The following TBC1D5 variants were observed in gnomAD, a reference collection of about 807,000 sequenced individuals.
TBC1D5 encodes TBC1 domain family member 5, also known as TBC1 domain family, member 5.
In TBC1D5, 75 loss-of-function variants were observed where a neutral mutation model predicts 100.3. The observed-to-expected ratio is 0.75, with a 90% CI of 0.62 to 0.91. The LOEUF (loss-of-function observed/expected upper bound fraction) is 0.91. Among genes scored for constraint, TBC1D5 ranks in the 40% least tolerant of loss-of-function variants. The pLI, the probability that TBC1D5 is intolerant of heterozygous loss-of-function variation, is 0.00. For missense variants in TBC1D5, 910 were observed against 942.4 expected, an observed-to-expected ratio of 0.97 and a Z score of 0.45; for synonymous variants, 323 against 325.6, an observed-to-expected ratio of 0.99 and a Z score of 0.09.
At chr3:17,160,992 A>G (rs757152451) in exon 22 of TBC1D5, 57 of 1,614,048 alleles carry the variant, frequency 3.5e-5, no homozygotes, top group Non-Finnish European at 4.4e-5. Context: ...ACAATGGTGA[A>G]GCCAGAGTCC....
At chr3:17,372,039 A>AAAACAAACAAGCAAAC (rs1553711468) in intron 13 of TBC1D5, 36 bp downstream of exon 13, 3 of 1,504,818 alleles carry the variant, frequency 2.0e-6, no homozygotes, top group Non-Finnish European at 2.7e-6. Flanking sequence ...TCTGTCTCAA[A>AAAACAAACAAGCAAAC]AAACAAACAA....
intron 2 of TBC1D5, among the ~76,000 whole-genome samples, chr3:17,594,480 CATCAATACCAGCTACAGA>C (rs1440351271): frequency 6.6e-6 from 1 of 152,158 alleles, no homozygotes; most frequent in African/African-American, 2.4e-5. Flanking sequence ...AAAAGGTAGT[CATCAATACCAGCTACAGA>C]ATCAATACCA....
chr3:17,651,209 T>C (rs984789920), intron 1 of TBC1D5, among the ~76,000 whole-genome samples: 3 of 152,184 alleles, frequency 2.0e-5, no homozygotes, highest in South Asian at 2.1e-4. Context: ...AACGTTTTCA[T>C]TTAAAAATTG....
At chr3:17,689,188 A>T (rs975432167) in intron 1 of TBC1D5, among the ~76,000 whole-genome samples, 4 of 152,336 alleles carry the variant, frequency 2.6e-5, no homozygotes, top group Admixed American at 1.3e-4. Context: ...TGGCCAAAAT[A>T]GCAAACAAAC....
chr3:17,492,716 G>A lies in TBC1D5; in HGVS notation c.97+15758C>T, dbSNP rs186126264. On this transcript the variant is annotated intron_variant, in intron 3 of 21. Transcript: ENST00000253692. ...CTCCCAAAGTACTGGGATTACAGGC[G>A]TGAGCCACCATACTCGGACATAAAT... 1.9e-3 allele frequency among the ~76,000 whole-genome samples: 284 copies of A among 152,256 alleles called. 1 individual carries two copies. Among genetic ancestry groups the A allele is most frequent in the African/African-American group, 5.9e-3 (244 of 41,548 alleles).
chr3:17,742,175 C>T (rs958134389), upstream of TBC1D5, among the ~76,000 whole-genome samples: 8 of 152,198 alleles, frequency 5.3e-5, no homozygotes, highest in Non-Finnish European at 8.8e-5. Context: ...GCCCTGCCCG[C>T]CCTGCCCGCC....
intron 2 of TBC1D5, among the ~76,000 whole-genome samples, chr3:17,567,022 T>C (rs986938419): frequency 4.0e-5 from 6 of 151,806 alleles, no homozygotes; most frequent in Non-Finnish European, 8.9e-5. Flanking sequence ...TATACATACA[T>C]AAAACATTCC....
chr3:17,186,371 A>C (rs1371108088), intron 18 of TBC1D5, among the ~76,000 whole-genome samples: 1 of 152,228 alleles, frequency 6.6e-6, no homozygotes, highest in Admixed American at 6.5e-5. Context: ...CTGCTGCCTG[A>C]AGAACTAGCC....
At chr3:17,438,295 G>A (rs546563145) in intron 3 of TBC1D5, among the ~76,000 whole-genome samples, 1 of 152,210 alleles carries the variant, frequency 6.6e-6, no homozygotes, top group African/African-American at 2.4e-5. Flanking sequence ...CTTTAAACTT[G>A]GAGAAATAGT....
intron 20 of TBC1D5, 62 bp downstream of exon 21, chr3:17,167,687 C>A: frequency 6.7e-7 from 1 of 1,489,618 alleles, no homozygotes; most frequent in South Asian, 1.1e-5. Flanking sequence ...GCTCCATGCC[C>A]TGGGGGGCCC....
At chr3:17,660,154 C>G (rs2066497481) in intron 1 of TBC1D5, among the ~76,000 whole-genome samples, 2 of 152,290 alleles carry the variant, frequency 1.3e-5, no homozygotes, top group Middle Eastern at 3.4e-3. Context: ...ACTAGTATTT[C>G]TTTCCCCAAC....
At chr3:17,368,440 A>G (rs1164615575) in intron 13 of TBC1D5, among the ~76,000 whole-genome samples, 1 of 152,080 alleles carries the variant, frequency 6.6e-6, no homozygotes, top group Middle Eastern at 3.2e-3. Context: ...AAATATAACC[A>G]TAATACAGAC....
intron 1 of TBC1D5, among the ~76,000 whole-genome samples, chr3:17,715,401 C>G (rs2075137635): frequency 6.6e-6 from 1 of 152,172 alleles, no homozygotes; most frequent in East Asian, 1.9e-4. Flanking sequence ...GACCAAGTAT[C>G]AGTATATACA....
At chr3:17,706,051 G>A in intron 1 of TBC1D5, 1 of 1,581,568 alleles carries the variant, frequency 6.3e-7, no homozygotes, top group South Asian at 1.1e-5. Context: ...TTTAAGGTGG[G>A]AGCCTACTGA....
intron 3 of TBC1D5, among the ~76,000 whole-genome samples, chr3:17,447,923 T>A (rs2094837541): frequency 1.3e-5 from 2 of 152,236 alleles, no homozygotes; most frequent in South Asian, 4.1e-4. Flanking sequence ...TCGCCATTTT[T>A]AAATAGCTGG....
At chr3:17,229,359 GA>G (rs563954022) in intron 17 of TBC1D5, among the ~76,000 whole-genome samples, 118 of 152,258 alleles carry the variant, frequency 7.7e-4, no homozygotes, top group African/African-American at 2.8e-3. Context: ...TCACAAGAGT[GA>G]ACAGACACAG....
chr3:17,330,871 GAA>G (rs1575373578), intron 13 of TBC1D5, among the ~76,000 whole-genome samples: 1 of 152,128 alleles, frequency 6.6e-6, no homozygotes, highest in East Asian at 1.9e-4. Context: ...GCAAAAATCT[GAA>G]TCTACTGCTC....
At chr3:17,332,636 A>T (rs1457663887) in intron 13 of TBC1D5, among the ~76,000 whole-genome samples, 1 of 151,908 alleles carries the variant, frequency 6.6e-6, no homozygotes, top group Non-Finnish European at 1.5e-5. Context: ...GAATTAATAA[A>T]GGAGATTGAG....
chr3:17,338,292 C>T (rs941897760), intron 13 of TBC1D5, among the ~76,000 whole-genome samples: 2 of 152,134 alleles, frequency 1.3e-5, no homozygotes, highest in African/African-American at 4.8e-5. Context: ...TTAAGGAATG[C>T]AATAGGACAG....
Sources: gnomAD v4.1 joint callset for allele counts (sites outside exome capture counted in the v4.1 genomes callset) on GRCh38, gnomAD v4.1.1 for gene constraint, MANE v1.5 for transcripts, NCBI Gene and HGNC (gene_info 2026-07-23, HGNC 2026-07-21) for gene names.